TAFA1: variants seen among roughly 807,000 people sequenced by gnomAD.
TAFA1 encodes the protein TAFA chemokine like family member 1.
In TAFA1, 4 loss-of-function variants were observed where a neutral mutation model predicts 18.5. The observed-to-expected ratio is 0.22, with a 90% CI of 0.11 to 0.49. The LOEUF (loss-of-function observed/expected upper bound fraction) is 0.49. TAFA1 is among the 20% of genes least tolerant of loss of function. TAFA1 has a pLI of 0.98. For missense variants in TAFA1, 147 were observed against 169.0 expected, an observed-to-expected ratio of 0.87 and a Z score of 0.72; for synonymous variants, 56 against 55.2, an observed-to-expected ratio of 1.01 and a Z score of -0.06.
chr3:68,091,874 A>T (rs913747723), intron 2 of TAFA1, among the ~76,000 whole-genome samples: 28 of 152,168 alleles, frequency 1.8e-4, no homozygotes, highest in African/African-American at 6.8e-4. Flanking sequence ...GGCCACAAAA[A>T]ATGACCAAGT....
At chr3:68,493,930 T>C (rs1393224386) in intron 3 of TAFA1, among the ~76,000 whole-genome samples, 3 of 152,178 alleles carry the variant, frequency 2.0e-5, no homozygotes, top group African/African-American at 7.2e-5. Flanking sequence ...GAGCTTCCAA[T>C]TCAGAATCTG....
intron 3 of TAFA1, among the ~76,000 whole-genome samples, chr3:68,428,635 T>G (rs910644567): frequency 2.6e-5 from 4 of 151,964 alleles, no homozygotes; most frequent in African/African-American, 9.7e-5. Context: ...TTCACCTGTT[T>G]CGTTTATGAA....
intron 2 of TAFA1, among the ~76,000 whole-genome samples, chr3:68,134,123 G>A (rs151193671): frequency 5.4e-4 from 81 of 151,002 alleles, no homozygotes; most frequent in African/African-American, 1.8e-3. Flanking sequence ...CATTGGAGTC[G>A]TTGGCTAGAG....
intron 2 of TAFA1, among the ~76,000 whole-genome samples, chr3:68,069,227 G>T (rs776174584): frequency 2.0e-5 from 3 of 152,180 alleles, no homozygotes; most frequent in African/African-American, 4.8e-5. Context: ...CAGCAGAAAG[G>T]GTTTAAGGAA....
At chr3:68,326,407 C>A (rs148793871) in intron 2 of TAFA1, among the ~76,000 whole-genome samples, 50 of 152,264 alleles carry the variant, frequency 3.3e-4, no homozygotes, top group African/African-American at 1.2e-3. Context: ...AGAATAAGCA[C>A]CATTGGGAAA....
intron 2 of TAFA1, among the ~76,000 whole-genome samples, chr3:68,243,060 C>A (rs950091262): frequency 1.2e-4 from 18 of 151,444 alleles, no homozygotes; most frequent in African/African-American, 4.4e-4. Flanking sequence ...TACCAGTGAG[C>A]TTTATCTTTC....
At chr3:68,478,763 A>G (rs1202597586) in intron 3 of TAFA1, among the ~76,000 whole-genome samples, 1 of 152,116 alleles carries the variant, frequency 6.6e-6, no homozygotes, top group Non-Finnish European at 1.5e-5. Context: ...ATTTAAATGA[A>G]TAAATGATTA....
intron 3 of TAFA1, among the ~76,000 whole-genome samples, chr3:68,527,092 A>T (rs1015159901): frequency 6.6e-6 from 1 of 152,148 alleles, no homozygotes; most frequent in African/African-American, 2.4e-5. Flanking sequence ...TTATTTTTCT[A>T]CACAGATGCA....
intron 2 of TAFA1, among the ~76,000 whole-genome samples, chr3:68,356,253 G>C (rs1010774570): frequency 1.3e-5 from 2 of 151,812 alleles, no homozygotes; most frequent in Non-Finnish European, 2.9e-5. Context: ...ATGATTTCAG[G>C]CTTATGCATG....
At chr3:68,239,527 C>T (rs2066971104) in intron 2 of TAFA1, among the ~76,000 whole-genome samples, 1 of 82,732 alleles carries the variant, frequency 1.2e-5, no homozygotes, top group Admixed American at 1.5e-4. Flanking sequence ...GTGAACTACA[C>T]CCCTAGCCTG....
chr3:68,441,982 A>G lies in TAFA1; in HGVS notation c.259+24562A>G, dbSNP rs142374989. On this transcript the variant is annotated intron_variant, in intron 3 of 4. Coordinates refer to ENST00000478136, the MANE Select transcript of TAFA1 (RefSeq NM_213609.4). ...TAAATGGCCAGATGTGTGATTATATACTGATACATGGGCTGTAGCCTAGTC... is the reference window on the plus strand; with the variant it reads ...TAAATGGCCAGATGTGTGATTATATGCTGATACATGGGCTGTAGCCTAGTC... Among the ~76,000 whole-genome samples, 1,233 of 152,224 alleles carry G rather than the reference A, an allele frequency of 8.1e-3. 12 individuals are homozygous for G. Among genetic ancestry groups the G allele is most frequent in the Non-Finnish European group, 0.01 (695 of 68,014 alleles).
chr3:68,411,956 G>A (rs1322439689), intron 2 of TAFA1, among the ~76,000 whole-genome samples: 1 of 152,108 alleles, frequency 6.6e-6, no homozygotes, highest in East Asian at 1.9e-4. Flanking sequence ...GGTCCTGTGG[G>A]GTTCCACTGT....
intron 2 of TAFA1, among the ~76,000 whole-genome samples, chr3:68,411,444 T>C (rs2070715614): frequency 6.6e-6 from 1 of 152,220 alleles, no homozygotes; most frequent in Non-Finnish European, 1.5e-5. Context: ...CCCATCTAAA[T>C]GTAATGTGAT....
At chr3:68,107,787 A>G (rs749181498) in intron 2 of TAFA1, among the ~76,000 whole-genome samples, 23 of 152,160 alleles carry the variant, frequency 1.5e-4, no homozygotes, top group Non-Finnish European at 2.4e-4. Context: ...ACCAATTAAC[A>G]GAGTCTAGTT....
intron 2 of TAFA1, among the ~76,000 whole-genome samples, chr3:68,256,057 G>T (rs142063632): frequency 1.3e-5 from 2 of 151,906 alleles, no homozygotes; most frequent in Non-Finnish European, 2.9e-5. Context: ...CCAGAAAAGC[G>T]CATTGAAATA....
intron 3 of TAFA1, among the ~76,000 whole-genome samples, chr3:68,473,328 G>T (rs2072035964): frequency 1.3e-5 from 2 of 152,114 alleles, no homozygotes; most frequent in Non-Finnish European, 2.9e-5. Flanking sequence ...AAATGGGAAG[G>T]GTATGATGAT....
intron 2 of TAFA1, among the ~76,000 whole-genome samples, chr3:68,184,553 A>G (rs1295540320): frequency 6.6e-6 from 1 of 152,132 alleles, no homozygotes; most frequent in African/African-American, 2.4e-5. Context: ...ACAGTCTGAA[A>G]TGCTACATAG....
At chr3:68,451,901 A>G (rs1486048862) in intron 3 of TAFA1, among the ~76,000 whole-genome samples, 1 of 152,214 alleles carries the variant, frequency 6.6e-6, no homozygotes, top group Non-Finnish European at 1.5e-5. Context: ...GTGGGAGACC[A>G]TACATTTAAT....
chr3:68,381,312 C>T (rs1370299787), intron 2 of TAFA1, among the ~76,000 whole-genome samples: 1 of 151,212 alleles, frequency 6.6e-6, no homozygotes, highest in African/African-American at 2.4e-5. Context: ...TGAAGAAAGT[C>T]ATTGGTAGCT....
Sources: allele counts gnomAD v4.1 joint callset (sites outside exome capture counted in the v4.1 genomes callset), GRCh38; gene constraint gnomAD v4.1.1; transcripts MANE v1.5; gene names NCBI Gene and HGNC (gene_info 2026-07-23, HGNC 2026-07-21).